The following UBFD1 variants were observed in gnomAD, a reference collection of about 807,000 sequenced individuals.
UBFD1 encodes the protein ubiquitin family domain containing 1.
In UBFD1, 12 loss-of-function variants were observed where a neutral mutation model predicts 35.1. The observed-to-expected ratio is 0.34, with a 90% confidence interval of 0.22 to 0.55. The LOEUF (loss-of-function observed/expected upper bound fraction) is 0.55. UBFD1 is among the 20% of genes least tolerant of loss of function. The pLI, the probability that UBFD1 is intolerant of heterozygous loss-of-function variation, is 0.89. For missense variants in UBFD1, 337 were observed against 410.8 expected, an observed-to-expected ratio of 0.82 and a Z score of 1.55; for synonymous variants, 178 against 167.6, an observed-to-expected ratio of 1.06 and a Z score of -0.48.
At position 23,559,613 on chromosome 16, in the gene UBFD1, A is replaced by C. The variant is rs746893696; in HGVS notation, c.501A>C (p.Lys167Asn). 3.1e-6 allele frequency: 5 copies of C among 1,614,134 alleles called. No individual in the cohort carries two copies. Among genetic ancestry groups the C allele is most frequent in the Non-Finnish European group, 4.2e-6 (5 of 1,180,054 alleles). The change falls in exon 3 of 7, where the codon AAA becomes AAC. Residue 167 changes from lysine (K) to asparagine (N), a missense_variant. Physicochemically the swap from Lys to Asn is moderately conservative, Grantham distance 94 (BLOSUM62 0). This residue lies in a region of UBFD1 where 44 missense variants were observed against 39.2 expected (regional missense o/e 1.12). Transcript: ENST00000395878. ...ATGTTTTAGCAGTAAACACACCCAA[A>C]GATGCTGCGCAGCAGGATGCAAAGG... is the stretch of plus-strand genomic sequence containing the variant. ...INDVLAVNTP[K>N]DAAQQDAKAE...
At chr16:23,568,856 A>C (rs965523598) in intron 6 of UBFD1, 4 of 152,058 alleles carry the variant, frequency 2.6e-5, no homozygotes, top group South Asian at 2.1e-4. Context: ...ACAAAAAAAA[A>C]CAGTTGGACT....
chr16:23,557,781 G>T lies in UBFD1; in HGVS notation c.25+14G>T, dbSNP rs892718625. 3 of 1,282,394 alleles carry T rather than the reference G, an allele frequency of 2.3e-6. No homozygotes were observed. The African/African-American group carries it at 4.6e-5, about 20-fold the overall frequency. The allele number at this position is 1,282,394 out of a possible 1,614,324, so 79.4% of individuals were successfully genotyped here. ...GGGCCCCGGATGGTGAGTGCGGCGG[G>T]GGTGGCGGGCGCCGGGCCGGGGCTG... On this transcript the variant is annotated intron_variant, in intron 1 of 6. Coordinates refer to ENST00000395878, the MANE Select transcript of UBFD1 (RefSeq NM_019116.3).
At chr16:23,569,395 A>G (rs573796591) in intron 6 of UBFD1, 1 of 152,212 alleles carries the variant, frequency 6.6e-6, no homozygotes, top group Admixed American at 6.5e-5. Context: ...CTCTACTGAA[A>G]ATACAAATAT....
At chr16:23,566,527 A>AT (rs1567401241) in intron 5 of UBFD1, 1 of 153,214 alleles carries the variant, frequency 6.5e-6, no homozygotes, top group African/African-American at 2.4e-5. Flanking sequence ...CGCCTGGCTA[A>AT]TTTTTTGTAT....
chr16:23,558,302 C>G, intron 2 of UBFD1, 23 bp downstream of exon 2: 1 of 1,591,840 alleles, frequency 6.3e-7, no homozygotes, highest in Non-Finnish European at 8.5e-7. Context: ...GCGCTGACAG[C>G]CAGTCTTCCC....
chr16:23,567,970 GA>G (rs1966033210), intron 6 of UBFD1, among the ~76,000 whole-genome samples: 1 of 152,190 alleles, frequency 6.6e-6, no homozygotes. Flanking sequence ...TCTTGCTATA[GA>G]AAAAAATCAA....
Position 23,574,083 on chromosome 16 carries a change from A to G in UBFD1, c.*3493A>G, listed in dbSNP as rs889003144. 6.6e-6 allele frequency: 1 copy of G among 152,596 alleles called. No homozygotes were observed. Among genetic ancestry groups the G allele is most frequent in the African/African-American group, 2.4e-5 (1 of 41,452 alleles). The allele number at this position is 152,596 out of a possible 1,614,324, so 9.5% of individuals were successfully genotyped here. A position where few individuals can be genotyped will look rare whatever the true frequency, so the allele number is the denominator to read the frequency against. ...GGTGGTTGGGAGCCCTCTCGCATGC[A>G]GAACATCTGGTAGATTGATCTGCCA... On this transcript the variant is annotated 3_prime_UTR_variant, in exon 7 of 7. Coordinates refer to ENST00000395878, the MANE Select transcript of UBFD1 (RefSeq NM_019116.3).
rs1966089895 is a variant in UBFD1, at chr16:23,571,908, CTT to C, written c.*1321_*1322del. The C allele has an allele frequency of 1.3e-5, 2 of 152,814 alleles. No individual in the cohort carries two copies. Among genetic ancestry groups the C allele is most frequent in the African/African-American group, 2.4e-5 (1 of 41,586 alleles). The allele number at this position is 152,814 out of a possible 1,614,324, so 9.5% of individuals were successfully genotyped here. Reference sequence around the variant, plus strand: ...GGGAAAGTCTCTTGGTAAATTATCTCTTTTGTGCTGTTTGCTGTTTCTCTGCT... The same window carrying C: ...GGGAAAGTCTCTTGGTAAATTATCTCTTGTGCTGTTTGCTGTTTCTCTGCT... On this transcript the variant is annotated 3_prime_UTR_variant, in exon 7 of 7. Transcript: ENST00000395878.
Position 23,566,981 on chromosome 16 carries a change from A to C in UBFD1, c.737-6A>C. On this transcript the variant is annotated splice_polypyrimidine_tract_variant and splice_region_variant and intron_variant, in intron 5 of 6. Transcript: ENST00000395878. ...TGAATAATCACTGTAATCCCTCTCA[A>C]CTTAGAGCGGACTGAGAAATTGCCC... 6.2e-7 allele frequency: 1 copy of C among 1,614,100 alleles called. No homozygotes were observed. The highest frequency in any genetic ancestry group is 8.5e-7 in the Non-Finnish European group (1 of 1,179,962).
chr16:23,568,725 A>C (rs1205020751), intron 6 of UBFD1: 1 of 151,814 alleles, frequency 6.6e-6, no homozygotes, highest in Non-Finnish European at 1.5e-5. Context: ...AGGCTGAGGC[A>C]GGAGAACTGC....
At position 23,558,163 on chromosome 16, in the gene UBFD1, G is replaced by C; in HGVS notation, c.239G>C (p.Gly80Ala). Residue 80 changes from glycine (G) to alanine (A), a missense_variant, in exon 2 of 7, where the codon GGC becomes GCC. Physicochemically the swap from Gly to Ala is moderately conservative, Grantham distance 60. This residue lies in a region of UBFD1 where 198 missense variants were observed against 168.4 expected (regional missense o/e 1.18). Transcript: ENST00000395878. ...AGCAACGGCGAAGACGCGGGCGGCG[G>C]CGCGGGCAGGGAGCTGGTGGACTTG... Reference protein sequence around the residue: ...SVSNGEDAGGGAGRELVDLKI... With the variant: ...SVSNGEDAGGAAGRELVDLKI... The C allele has an allele frequency of 6.2e-7, 1 of 1,605,574 alleles. No individual in the cohort carries two copies. The highest frequency in any genetic ancestry group is 8.5e-7 in the Non-Finnish European group (1 of 1,176,800).
chr16:23,557,792 G>C, intron 1 of UBFD1, 25 bp downstream of exon 1: 1 of 1,273,146 alleles, frequency 7.9e-7, no homozygotes, highest in Non-Finnish European at 9.9e-7. Context: ...GGTGGCGGGC[G>C]CCGGGCCGGG....
intron 5 of UBFD1, chr16:23,564,159 GTT>G (rs1567400253): frequency 6.6e-6 from 1 of 152,166 alleles, no homozygotes; most frequent in Non-Finnish European, 1.5e-5. Flanking sequence ...ACGTTCACTG[GTT>G]TCAGGGACAG....
chr16:23,573,601 C>T lies in UBFD1; in HGVS notation c.*3011C>T, dbSNP rs931602135. ...TTGAACTGAGCTAAGGATGCACTTTCTTGTGGACATAGAAGGGGCCCACGT... is the reference window on the plus strand; with the variant it reads ...TTGAACTGAGCTAAGGATGCACTTTTTTGTGGACATAGAAGGGGCCCACGT... On this transcript the variant is annotated 3_prime_UTR_variant, in exon 7 of 7. Transcript: ENST00000395878. 1 of 152,636 alleles carries T rather than the reference C, an allele frequency of 6.6e-6. No individual in the cohort carries two copies. Among genetic ancestry groups the T allele is most frequent in the African/African-American group, 2.4e-5 (1 of 41,458 alleles). 9.5% of individuals were successfully genotyped at this position (152,636 alleles called of 1,614,324 possible).
At chr16:23,559,816 G>T in intron 3 of UBFD1, 140 bp downstream of exon 3, 1 of 1,543,396 alleles carries the variant, frequency 6.5e-7, no homozygotes, top group South Asian at 1.2e-5. Flanking sequence ...GTTGGGTGCC[G>T]CAGAGTGGAG....
rs779288226 is a variant in UBFD1 at position 23,562,638 on chromosome 16, C to T, written c.644C>T (p.Thr215Met). Reference protein sequence around the residue: ...SVKGAQERLPTVPLSGMYNKS... With the variant: ...SVKGAQERLPMVPLSGMYNKS... The stretch of plus-strand genomic sequence containing the variant: ...TCGTGCCTTCAGGAGCGCCTGCCAA[C>T]GGTACCGCTGTCCGGCATGTACAAT... The change falls in exon 5 of 7, where the codon ACG becomes ATG. Residue 215 changes from threonine (T) to methionine (M), a missense_variant. Thr to Met is a moderately conservative substitution (Grantham distance 81, BLOSUM62 -1). Transcript: ENST00000395878. 3.3e-5 allele frequency: 53 copies of T among 1,613,928 alleles called. No individual in the cohort carries two copies. The highest frequency in any genetic ancestry group is 1.2e-4 in the African/African-American group (9 of 74,920).
In UBFD1 at chr16:23,570,677, T is replaced by A. The variant is rs1228798798; in HGVS notation, c.*87T>A. ...CTGCAGCATCCCTGGATTTCAGAGT[T>A]CTGGAACTTTGTTCATAAAAAATCT... On this transcript the variant is annotated 3_prime_UTR_variant, in exon 7 of 7. Coordinates refer to ENST00000395878, the MANE Select transcript of UBFD1 (RefSeq NM_019116.3). 5.4e-6 allele frequency: 6 copies of A among 1,109,922 alleles called. No homozygotes were observed. The highest frequency in any genetic ancestry group is 6.6e-6 in the Non-Finnish European group (5 of 752,152). The allele number at this position is 1,109,922 out of a possible 1,614,324, so 68.8% of individuals were successfully genotyped here.
Position 23,571,162 on chromosome 16 carries a change from T to A in UBFD1, c.*572T>A, listed in dbSNP as rs1966078970. ...CATTCTCTCGCTTCCTCAATTTGAG[T>A]TTTTGTTTTAAGAACCCAAAGATGT... On this transcript the variant is annotated 3_prime_UTR_variant, in exon 7 of 7. Coordinates refer to ENST00000395878, the MANE Select transcript of UBFD1 (RefSeq NM_019116.3). 6.6e-6 allele frequency: 1 copy of A among 152,528 alleles called. No homozygotes were observed. Among genetic ancestry groups the A allele is most frequent in the African/African-American group, 2.4e-5 (1 of 41,404 alleles). 9.4% of individuals were successfully genotyped at this position (152,528 alleles called of 1,614,324 possible).
Position 23,558,578 on chromosome 16 carries a change from G to C in UBFD1, c.355+299G>C, listed in dbSNP as rs202224556. 2.0e-4 allele frequency among the ~76,000 whole-genome samples: 30 copies of C among 152,236 alleles called. No homozygotes were observed. In the East Asian group the frequency reaches 5.6e-3, roughly 28 times the overall value. On this transcript the variant is annotated intron_variant, in intron 2 of 6. Coordinates refer to ENST00000395878, the MANE Select transcript of UBFD1 (RefSeq NM_019116.3). ...CTAAGGCGCTTGTTTTACAGCTTCT[G>C]GGCCCTTTCCCAGGAGATTCTGATT... is the stretch of plus-strand genomic sequence containing the variant.
Sources: gnomAD v4.1 joint callset for allele counts (sites outside exome capture counted in the v4.1 genomes callset) on GRCh38, gnomAD v4.1.1 for gene constraint, gnomAD v4.1.1 regional missense constraint, MANE v1.5 for transcripts, NCBI Gene and HGNC (gene_info 2026-07-23, HGNC 2026-07-21) for gene names.